The following PTPRR variants were observed in gnomAD, a reference collection of about 807,000 sequenced individuals.
PTPRR encodes receptor-type tyrosine-protein phosphatase R.
PTPRR carries 38 observed loss-of-function variants against 77.2 expected under a neutral mutation model. The observed-to-expected ratio is 0.49, with a 90% CI of 0.38 to 0.65. The LOEUF (loss-of-function observed/expected upper bound fraction) is 0.65, where lower values mean the gene tolerates loss of function less well. Ranked by LOEUF, PTPRR falls within the 30% of genes least tolerant of loss-of-function variation. The probability of loss-of-function intolerance (pLI) is 0.00; values close to 1 mark genes in which losing one functional copy is unlikely to be tolerated. For synonymous variants in PTPRR, 299 were observed against 283.1 expected (o/e 1.06, Z -0.57); for missense variants, 744 against 799.2 (o/e 0.93, Z 0.83).
intron 1 of PTPRR, among the ~76,000 whole-genome samples, chr12:70,911,759 A>G (rs2137137110): frequency 6.6e-6 from 1 of 151,858 alleles, no homozygotes; most frequent in Middle Eastern, 3.4e-3. Flanking sequence ...TGAAAAAAAA[A>G]AAAAAAAACC....
intron 2 of PTPRR, among the ~76,000 whole-genome samples, chr12:70,804,137 C>CTGTGTGTGTG (rs1318704522): frequency 1.3e-4 from 7 of 55,096 alleles, no homozygotes; most frequent in South Asian, 1.0e-3. Context: ...CTGTTCCTGG[C>CTGTGTGTGTG]TCTGTGTGTG....
intron 6 of PTPRR, among the ~76,000 whole-genome samples, chr12:70,737,393 C>T (rs1364843594): frequency 6.6e-6 from 1 of 152,006 alleles, no homozygotes; most frequent in Non-Finnish European, 1.5e-5. Context: ...CAGAACCTCA[C>T]CAAAGACCTA....
intron 3 of PTPRR, among the ~76,000 whole-genome samples, chr12:70,763,897 G>C (rs534581710): frequency 1.3e-5 from 2 of 152,164 alleles, no homozygotes; most frequent in South Asian, 2.1e-4. Context: ...GGAACATGTA[G>C]TTGCATGAAA....
intron 1 of PTPRR, among the ~76,000 whole-genome samples, chr12:70,898,227 TTA>T (rs1491103197): frequency 1.7e-5 from 2 of 116,170 alleles, no homozygotes; most frequent in Non-Finnish European, 3.9e-5. Context: ...TAGAGAAACC[TTA>T]AAAAAAAAAA....
chr12:70,891,683 A>T (rs1893337721), intron 2 of PTPRR, among the ~76,000 whole-genome samples: 1 of 152,110 alleles, frequency 6.6e-6, no homozygotes, highest in African/African-American at 2.4e-5. Flanking sequence ...CATAATAAAT[A>T]CTGAGTGTAT....
intron 5 of PTPRR, among the ~76,000 whole-genome samples, chr12:70,749,075 T>A (rs1026611901): frequency 6.6e-6 from 1 of 152,204 alleles, no homozygotes; most frequent in Non-Finnish European, 1.5e-5. Flanking sequence ...CTCTGATAAA[T>A]ACAGCCATTC....
intron 2 of PTPRR, among the ~76,000 whole-genome samples, chr12:70,876,478 TA>T (rs1300073650): frequency 6.6e-6 from 1 of 152,184 alleles, no homozygotes; most frequent in East Asian, 1.9e-4. Flanking sequence ...TTAGAAGAAA[TA>T]ATTTGACTTT....
At chr12:70,721,512 G>A (rs1221859026) in intron 6 of PTPRR, among the ~76,000 whole-genome samples, 2 of 152,134 alleles carry the variant, frequency 1.3e-5, no homozygotes, top group African/African-American at 2.4e-5. Context: ...TGTGGGGGAG[G>A]AATTATAAAA....
chr12:70,873,382 T>C (rs1406152060), intron 2 of PTPRR, among the ~76,000 whole-genome samples: 1 of 152,158 alleles, frequency 6.6e-6, no homozygotes, highest in Non-Finnish European at 1.5e-5. Context: ...AGGGATTTTA[T>C]TTACACTGAG....
intron 6 of PTPRR, among the ~76,000 whole-genome samples, chr12:70,716,622 A>T (rs920404826): frequency 6.6e-6 from 1 of 152,214 alleles, no homozygotes; most frequent in Admixed American, 6.5e-5. Flanking sequence ...TATACAAGAC[A>T]GTAAGCACCT....
chr12:70,671,112 A>G (rs930021973), intron 10 of PTPRR, among the ~76,000 whole-genome samples: 2 of 152,196 alleles, frequency 1.3e-5, no homozygotes, highest in African/African-American at 2.4e-5. Context: ...TGTCTTTTCC[A>G]AACAATGACG....
chr12:70,791,091 A>G (rs1891414875), intron 2 of PTPRR, among the ~76,000 whole-genome samples: 1 of 152,226 alleles, frequency 6.6e-6, no homozygotes, highest in Admixed American at 6.5e-5. Flanking sequence ...TTCTGCAAAA[A>G]CCTGGAGTAA....
chr12:70,787,448 A>G (rs1370477708), intron 2 of PTPRR, among the ~76,000 whole-genome samples: 3 of 152,208 alleles, frequency 2.0e-5, no homozygotes, highest in Admixed American at 2.0e-4. Context: ...TTTAGTGTAC[A>G]AGGCTAAGAA....
intron 2 of PTPRR, among the ~76,000 whole-genome samples, chr12:70,876,143 T>C (rs1348902832): frequency 9.2e-5 from 14 of 152,128 alleles, no homozygotes; most frequent in Non-Finnish European, 2.1e-4. Flanking sequence ...GGCTAAAAAA[T>C]CTTTCTTTTG....
intron 7 of PTPRR, among the ~76,000 whole-genome samples, chr12:70,698,979 C>G (rs1888329194): frequency 6.6e-6 from 1 of 152,026 alleles, no homozygotes. Flanking sequence ...CTTATTTTAT[C>G]AGAGTATACA....
chr12:70,648,982 A>G (rs1186365481), intron 13 of PTPRR, among the ~76,000 whole-genome samples: 2 of 152,256 alleles, frequency 1.3e-5, no homozygotes, highest in East Asian at 3.8e-4. Flanking sequence ...ATCTATTAAT[A>G]GAAGTTGTCA....
intron 2 of PTPRR, among the ~76,000 whole-genome samples, chr12:70,791,473 C>T (rs1169855290): frequency 6.6e-6 from 1 of 152,126 alleles, no homozygotes; most frequent in African/African-American, 2.4e-5. Context: ...CACCGTCTGC[C>T]TGCTTACCTT....
At chr12:70,838,808 CA>C (rs1343475271) in intron 2 of PTPRR, among the ~76,000 whole-genome samples, 1 of 152,100 alleles carries the variant, frequency 6.6e-6, no homozygotes, top group Non-Finnish European at 1.5e-5. Context: ...GATACACCTA[CA>C]AAGGCCTAGG....
At position 70,894,811 on chromosome 12, in the gene PTPRR, C is replaced by A. The variant is rs560134643; in HGVS notation, c.59-1834G>T. On this transcript the variant is annotated intron_variant, in intron 1 of 13. Transcript: ENST00000283228. ...ATTTAATATGGAGAAATAAAATGTA[C>A]AATTATTTAAGGGTCATCATTGTCC... Among the ~76,000 whole-genome samples the A allele has an allele frequency of 4.0e-5, 6 of 151,658 alleles. No individual in the cohort carries two copies. The East Asian group carries it at 9.7e-4, about 25-fold the overall frequency.
Sources: allele counts gnomAD v4.1 joint callset (sites outside exome capture counted in the v4.1 genomes callset), GRCh38; gene constraint gnomAD v4.1.1; transcripts MANE v1.5; gene names NCBI Gene and HGNC (gene_info 2026-07-23, HGNC 2026-07-21).